The following PCSK2 variants were observed in gnomAD, a reference collection of about 807,000 sequenced individuals.
PCSK2 encodes neuroendocrine convertase 2.
A neutral mutation model predicts 69.7 loss-of-function variants in PCSK2; 14 were observed. The ratio of observed to expected loss-of-function variants is 0.20; its 90% CI spans 0.13 to 0.31. PCSK2 has a LOEUF of 0.31. PCSK2 is among the 10% of genes least tolerant of loss of function. The pLI, the probability that PCSK2 is intolerant of heterozygous loss-of-function variation, is 1.00. For missense variants in PCSK2, 544 were observed against 842.5 expected (o/e 0.65, Z 4.39); for synonymous variants, 307 against 320.7 (o/e 0.96, Z 0.46).
intron 2 of PCSK2, among the ~76,000 whole-genome samples, chr20:17,317,484 G>T (rs575811049): frequency 7.9e-5 from 12 of 152,244 alleles, no homozygotes; most frequent in African/African-American, 2.9e-4. Context: ...GCCAATTCTG[G>T]CTGTGTCCAT....
chr20:17,235,464 A>G (rs899747337), intron 1 of PCSK2, among the ~76,000 whole-genome samples: 16 of 152,146 alleles, frequency 1.1e-4, no homozygotes, highest in African/African-American at 3.9e-4. Context: ...ATTTTGTATC[A>G]AAGGCAAAAG....
At chr20:17,230,903 T>G (rs542917398) in intron 1 of PCSK2, among the ~76,000 whole-genome samples, 1 of 152,250 alleles carries the variant, frequency 6.6e-6, no homozygotes, top group Non-Finnish European at 1.5e-5. Context: ...TATTTTATCA[T>G]GACCTGGCCC....
chr20:17,238,458 A>G (rs140202725), intron 1 of PCSK2, among the ~76,000 whole-genome samples: 30 of 152,338 alleles, frequency 2.0e-4, no homozygotes, highest in African/African-American at 7.2e-4. Context: ...CATTAATTTA[A>G]CCCTTCATTT....
chr20:17,427,050 T>A (rs1310763453), intron 6 of PCSK2, among the ~76,000 whole-genome samples: 1 of 152,206 alleles, frequency 6.6e-6, no homozygotes, highest in African/African-American at 2.4e-5. Context: ...AGACCTGAGT[T>A]TGAATTCTTG....
At chr20:17,264,907 A>G (rs1487842015) in intron 2 of PCSK2, among the ~76,000 whole-genome samples, 2 of 151,600 alleles carry the variant, frequency 1.3e-5, no homozygotes, top group Admixed American at 1.3e-4. Context: ...TCTGTTGCCC[A>G]GGCTGGAGTG....
intron 2 of PCSK2, among the ~76,000 whole-genome samples, chr20:17,296,834 G>A (rs1241384634): frequency 2.6e-5 from 4 of 152,150 alleles, no homozygotes; most frequent in Admixed American, 1.3e-4. Context: ...GCCCACTTAC[G>A]ACAGCTCTTC....
intron 5 of PCSK2, among the ~76,000 whole-genome samples, chr20:17,392,476 T>C (rs1409749909): frequency 6.6e-6 from 1 of 152,218 alleles, no homozygotes; most frequent in African/African-American, 2.4e-5. Context: ...TTAACTTTTA[T>C]TTACAGGAAG....
At chr20:17,265,254 C>G (rs1035290927) in intron 2 of PCSK2, among the ~76,000 whole-genome samples, 11 of 152,186 alleles carry the variant, frequency 7.2e-5, no homozygotes, top group African/African-American at 2.2e-4. Flanking sequence ...CTTACCATCA[C>G]CATGACTGCA....
intron 2 of PCSK2, among the ~76,000 whole-genome samples, chr20:17,334,864 C>G (rs1990301882): frequency 6.6e-6 from 1 of 152,202 alleles, no homozygotes; most frequent in African/African-American, 2.4e-5. Flanking sequence ...TGGGTTTCCC[C>G]TGCAATTAAC....
intron 1 of PCSK2, among the ~76,000 whole-genome samples, chr20:17,247,230 G>A (rs2122966670): frequency 6.6e-6 from 1 of 152,218 alleles, no homozygotes; most frequent in Middle Eastern, 3.4e-3. Flanking sequence ...CCCTACTCCT[G>A]GGCATCATGT....
chr20:17,289,644 A>G (rs1436756258), intron 2 of PCSK2, among the ~76,000 whole-genome samples: 1 of 152,174 alleles, frequency 6.6e-6, no homozygotes, highest in Admixed American at 6.5e-5. Context: ...AAAATTACCC[A>G]TACCCAAAGC....
At chr20:17,291,606 G>A (rs1024175) in intron 2 of PCSK2, among the ~76,000 whole-genome samples, 108,038 of 152,060 alleles carry the variant, frequency 0.71, 38,668 homozygotes, top group East Asian at 0.9. Flanking sequence ...TAATTTTGAT[G>A]GATGCTACCA....
At chr20:17,320,707 G>A (rs1416944774) in intron 2 of PCSK2, among the ~76,000 whole-genome samples, 1 of 152,194 alleles carries the variant, frequency 6.6e-6, no homozygotes, top group Non-Finnish European at 1.5e-5. Context: ...GGTGCTCGGG[G>A]AGGATTAGTT....
intron 2 of PCSK2, among the ~76,000 whole-genome samples, chr20:17,342,220 A>G (rs972208794): frequency 3.3e-5 from 5 of 152,238 alleles, no homozygotes; most frequent in Admixed American, 2.6e-4. Flanking sequence ...CTTCCCACAC[A>G]TTCCAAGAAA....
At chr20:17,418,415 C>T (rs149607542) in intron 6 of PCSK2, among the ~76,000 whole-genome samples, 2 of 152,006 alleles carry the variant, frequency 1.3e-5, no homozygotes, top group Admixed American at 6.6e-5. Flanking sequence ...GATAGGCTGG[C>T]GGGGAGGTGC....
intron 7 of PCSK2, among the ~76,000 whole-genome samples, chr20:17,431,572 A>G (rs533552117): frequency 6.6e-6 from 1 of 152,320 alleles, no homozygotes; most frequent in Non-Finnish European, 1.5e-5. Context: ...GATTTTGAGC[A>G]AGGGAGGCTC....
At chr20:17,467,114 T>C (rs1338768115) in intron 11 of PCSK2, among the ~76,000 whole-genome samples, 3 of 152,210 alleles carry the variant, frequency 2.0e-5, no homozygotes, top group African/African-American at 7.2e-5. Flanking sequence ...CTCGCCACTC[T>C]TCATTGGTCC....
At chr20:17,478,059 T>G (rs915754235) in intron 11 of PCSK2, among the ~76,000 whole-genome samples, 2 of 152,150 alleles carry the variant, frequency 1.3e-5, no homozygotes, top group African/African-American at 4.8e-5. Context: ...AGACTGATAA[T>G]AAGGCCTTTA....
chr20:17,242,255 C>T (rs1013084736), intron 1 of PCSK2, among the ~76,000 whole-genome samples: 7 of 152,248 alleles, frequency 4.6e-5, no homozygotes, highest in Non-Finnish European at 7.3e-5. Context: ...GGCTGGCTTA[C>T]AGCCAAGTGT....
Sources: allele counts gnomAD v4.1 joint callset (sites outside exome capture counted in the v4.1 genomes callset), GRCh38; gene constraint gnomAD v4.1.1; transcripts MANE v1.5; gene names NCBI Gene and HGNC (gene_info 2026-07-23, HGNC 2026-07-21).